The following FKBP1A variants were observed in gnomAD, a reference collection of about 807,000 sequenced individuals.
The protein encoded by FKBP1A is peptidyl-prolyl cis-trans isomerase FKBP1A.
Under a neutral mutation model 14.2 loss-of-function variants are expected in FKBP1A, and 5 were observed. The observed-to-expected ratio is 0.35, with a 90% CI of 0.18 to 0.74. The LOEUF is 0.74. Ranked by LOEUF, FKBP1A falls within the 30% of genes least tolerant of loss-of-function variation. The pLI is 0.56. For missense variants in FKBP1A, 53 were observed against 138.8 expected (o/e 0.38, Z 3.10); for synonymous variants, 42 against 49.1 (o/e 0.86, Z 0.60).
At chr20:1,381,891 C>G (rs1355293849) in intron 2 of FKBP1A, among the ~76,000 whole-genome samples, 1 of 152,072 alleles carries the variant, frequency 6.6e-6, no homozygotes, top group East Asian at 1.9e-4. Flanking sequence ...GACAAAAAAG[C>G]ATATCAGTAG....
At chr20:1,374,340 G>A (rs1466379423) in intron 3 of FKBP1A, 2 of 152,164 alleles carry the variant, frequency 1.3e-5, no homozygotes, top group East Asian at 3.8e-4. Flanking sequence ...CAAATGGGGA[G>A]GAAAGAGATT....
rs1391381515 is a variant in FKBP1A, at chr20:1,379,008, G to T, written c.86-3405C>A. ...GGCATATACTTCTCATTTTTAAAAA[G>T]AATGCTGATTGTGACCCACTACATT... is the stretch of plus-strand genomic sequence containing the variant. On this transcript the variant is annotated intron_variant, in intron 2 of 4. Transcript: ENST00000400137. The surrounding 1 kb of genome is among the most constrained non-coding windows in gnomAD (Gnocchi z 4.3). 1.3e-5 allele frequency among the ~76,000 whole-genome samples: 2 copies of T among 152,154 alleles called. No homozygotes were observed. Among genetic ancestry groups the T allele is most frequent in the African/African-American group, 4.8e-5 (2 of 41,410 alleles).
chr20:1,384,328 C>T (rs1285952513), intron 2 of FKBP1A, among the ~76,000 whole-genome samples: 1 of 152,200 alleles, frequency 6.6e-6, no homozygotes, highest in Non-Finnish European at 1.5e-5. Flanking sequence ...CACTAAAAAA[C>T]TATTGCTAGT....
chr20:1,369,929 A>G lies in FKBP1A; in HGVS notation c.*180T>C. 7.8e-7 allele frequency: 1 copy of G among 1,278,574 alleles called. No individual in the cohort carries two copies. Among genetic ancestry groups the G allele is most frequent in the Non-Finnish European group, 1.1e-6 (1 of 923,592 alleles). The allele number at this position is 1,278,574 out of a possible 1,614,324, so 79.2% of individuals were successfully genotyped here. A position where few individuals can be genotyped will look rare whatever the true frequency, so the allele number is the denominator to read the frequency against. The stretch of plus-strand genomic sequence containing the variant: ...ATACGAGGAGAAAGGGGAAGAGGAA[A>G]CAGAGGTGTCGGAAGCAAAGCTGAG... On this transcript the variant is annotated 3_prime_UTR_variant, in exon 5 of 5. Coordinates refer to ENST00000400137, the MANE Select transcript of FKBP1A (RefSeq NM_000801.5).
chr20:1,373,424 G>A (rs560710655), intron 3 of FKBP1A, among the ~76,000 whole-genome samples: 2 of 152,270 alleles, frequency 1.3e-5, no homozygotes, highest in African/African-American at 4.8e-5. Flanking sequence ...AGGACTCCAC[G>A]CCTGCAAACA....
At chr20:1,385,326 G>A (rs2089658392) in intron 2 of FKBP1A, among the ~76,000 whole-genome samples, 1 of 152,098 alleles carries the variant, frequency 6.6e-6, no homozygotes. Flanking sequence ...GGAGGCAGAG[G>A]TTGCAGTGAG....
At chr20:1,388,731 CAGA>C (rs370561010) in intron 2 of FKBP1A, among the ~76,000 whole-genome samples, 206 of 132,972 alleles carry the variant, frequency 1.5e-3, no homozygotes, top group African/African-American at 5.3e-3. Context: ...ACACAGTAGC[CAGA>C]AGGAGCGTGG....
At chr20:1,390,178 CTCTT>C (rs2089716329) in intron 2 of FKBP1A, among the ~76,000 whole-genome samples, 1 of 152,160 alleles carries the variant, frequency 6.6e-6, no homozygotes, top group Non-Finnish European at 1.5e-5. Context: ...ACTTCCACCC[CTCTT>C]TCTCTGGACC....
Position 1,369,972 on chromosome 20 carries a change from T to A in FKBP1A, c.*137A>T. ...AAGCTGAGTGACAGAACACATTCAG[T>A]CAGGGCAGATGTCTATACAAAGTGG... On this transcript the variant is annotated 3_prime_UTR_variant, in exon 5 of 5. Transcript: ENST00000400137. The A allele has an allele frequency of 6.6e-7, 1 of 1,523,068 alleles. No individual in the cohort carries two copies. The highest frequency in any genetic ancestry group is 8.8e-7 in the Non-Finnish European group (1 of 1,130,602). 94.3% of individuals were successfully genotyped at this position (1,523,068 alleles called of 1,614,324 possible).
At chr20:1,376,275 C>G (rs2089542677) in intron 2 of FKBP1A, among the ~76,000 whole-genome samples, 1 of 152,240 alleles carries the variant, frequency 6.6e-6, no homozygotes, top group South Asian at 2.1e-4. Flanking sequence ...GGGCGTAAAG[C>G]TGGCCCCTTG....
intron 2 of FKBP1A, among the ~76,000 whole-genome samples, chr20:1,382,673 T>C (rs942550508): frequency 6.6e-6 from 1 of 152,186 alleles, no homozygotes; most frequent in Admixed American, 6.5e-5. Context: ...GTAACAAGAA[T>C]ATGAGGGGTA....
At chr20:1,370,413 G>T (rs547016737) in intron 4 of FKBP1A, 6 of 980,994 alleles carry the variant, frequency 6.1e-6, no homozygotes, top group Middle Eastern at 5.2e-4. Context: ...ATCACCTGGG[G>T]GCTTTAAAAA....
rs763398000 is a variant in FKBP1A at position 1,392,978 on chromosome 20, G to A, written c.21C>T (p.Thr7=). 2 of 1,490,416 alleles carry A rather than the reference G, an allele frequency of 1.3e-6. No homozygotes were observed. Among genetic ancestry groups the A allele is most frequent in the African/African-American group, 1.5e-5 (1 of 68,258 alleles). 92.3% of individuals were successfully genotyped at this position (1,490,416 alleles called of 1,614,324 possible). ...ACTACTCACCGTCTCCTGGGGAGAT[G>A]GTTTCCACCTGCACTCCCATGGCGG... MGVQVE[T]ISPGDGRTFP... The change falls in exon 1 of 5, where the codon ACC becomes ACT. Residue 7 remains threonine (T), a synonymous_variant. Coordinates refer to ENST00000400137, the MANE Select transcript of FKBP1A (RefSeq NM_000801.5).
At chr20:1,373,449 A>G (rs1268537187) in intron 3 of FKBP1A, among the ~76,000 whole-genome samples, 2 of 152,224 alleles carry the variant, frequency 1.3e-5, no homozygotes, top group Non-Finnish European at 2.9e-5. Context: ...AAACCAAAAC[A>G]ATATCAAAAG....
In FKBP1A at chr20:1,372,211, A is replaced by G; in HGVS notation, c.228T>C (p.Thr76=). 8.7e-6 allele frequency: 14 copies of G among 1,613,872 alleles called. No individual in the cohort carries two copies. Among genetic ancestry groups the G allele is most frequent in the Non-Finnish European group, 1.2e-5 (14 of 1,179,810 alleles). ...QMSVGQRAKL[T]ISPDYAYGAT... Reference sequence around the variant, plus strand: ...CACCATAGGCATAATCTGGAGATATAGTCAGTTTGGCTCTCTGACCCACAC... The same window carrying G: ...CACCATAGGCATAATCTGGAGATATGGTCAGTTTGGCTCTCTGACCCACAC... The change falls in exon 4 of 5, where the codon ACT becomes ACC. Residue 76 remains threonine (T), a synonymous_variant. Transcript: ENST00000400137.
Position 1,386,951 on chromosome 20 carries a change from A to T in FKBP1A, c.85+5883T>A, listed in dbSNP as rs117029443. ...CAGAAGAAAAAATAGAAGTAAAAATAAACAAATGTCACCATGAGCACCAAA... is the reference window on the plus strand; with the variant it reads ...CAGAAGAAAAAATAGAAGTAAAAATTAACAAATGTCACCATGAGCACCAAA... On this transcript the variant is annotated intron_variant, in intron 2 of 4. Transcript: ENST00000400137. This position sits in a 1 kb window ranked among gnomAD's most constrained non-coding sequence, Gnocchi z 4.7. Among the ~76,000 whole-genome samples, 1,278 of 152,350 alleles carry T rather than the reference A, an allele frequency of 8.4e-3. 20 individuals carry two copies. Among genetic ancestry groups the T allele is most frequent in the South Asian group, 0.046 (222 of 4,830 alleles).
At chr20:1,388,866 A>G (rs1000279976) in intron 2 of FKBP1A, among the ~76,000 whole-genome samples, 3 of 152,128 alleles carry the variant, frequency 2.0e-5, no homozygotes, top group African/African-American at 7.2e-5. Context: ...CTCCTGCCAC[A>G]TACCCTTTCA....
chr20:1,382,613 C>G (rs2089629090), intron 2 of FKBP1A, among the ~76,000 whole-genome samples: 2 of 152,120 alleles, frequency 1.3e-5, no homozygotes, highest in African/African-American at 4.8e-5. Flanking sequence ...TTTTTAAGAA[C>G]CAGAAGGACA....
intron 2 of FKBP1A, among the ~76,000 whole-genome samples, chr20:1,375,859 C>T (rs1473112244): frequency 1.3e-5 from 2 of 152,144 alleles, no homozygotes; most frequent in African/African-American, 4.8e-5. Context: ...AGATGAGCGG[C>T]AGTCCACCTT....
Sources: allele counts gnomAD v4.1 joint callset (sites outside exome capture counted in the v4.1 genomes callset), GRCh38; gene constraint gnomAD v4.1.1; non-coding constraint Gnocchi (gnomAD v3.1); transcripts MANE v1.5; gene names NCBI Gene and HGNC (gene_info 2026-07-23, HGNC 2026-07-21).